ARHGAP26: variants seen among roughly 807,000 people sequenced by gnomAD.
ARHGAP26 encodes the protein Rho GTPase activating protein 26, also known as rho GTPase-activating protein 26.
Under a neutral mutation model 104.8 loss-of-function variants are expected in ARHGAP26, and 38 were observed. That is an observed-to-expected ratio of 0.36 (90% CI 0.28 to 0.48). ARHGAP26 has a LOEUF of 0.48. Among genes scored for constraint, ARHGAP26 ranks in the 20% least tolerant of loss-of-function variants. The pLI, the probability that ARHGAP26 is intolerant of heterozygous loss-of-function variation, is 0.99. For synonymous variants in ARHGAP26, 341 were observed against 340.0 expected (o/e 1.00, Z -0.03); for missense variants, 704 against 947.9 (o/e 0.74, Z 3.38).
chr5:143,116,396 C>G (rs1317543345), intron 17 of ARHGAP26, among the ~76,000 whole-genome samples: 1 of 152,146 alleles, frequency 6.6e-6, no homozygotes, highest in East Asian at 1.9e-4. Flanking sequence ...GCCAGTACTC[C>G]TCTTTGACAT....
At chr5:143,178,469 A>C (rs1599382684) in intron 20 of ARHGAP26, among the ~76,000 whole-genome samples, 1 of 152,196 alleles carries the variant, frequency 6.6e-6, no homozygotes, top group Non-Finnish European at 1.5e-5. Flanking sequence ...AGTTCCTTCC[A>C]CATGGGATTT....
At chr5:142,831,217 A>G (rs1768359152) in intron 1 of ARHGAP26, among the ~76,000 whole-genome samples, 1 of 152,140 alleles carries the variant, frequency 6.6e-6, no homozygotes, top group Admixed American at 6.5e-5. Context: ...CCAGATCCCA[A>G]TACTCTGTGC....
chr5:142,976,860 T>C (rs1773172777), intron 11 of ARHGAP26, among the ~76,000 whole-genome samples: 1 of 152,224 alleles, frequency 6.6e-6, no homozygotes, highest in Admixed American at 6.5e-5. Flanking sequence ...AGGTAGGTTC[T>C]CCTCATCGTG....
intron 17 of ARHGAP26, among the ~76,000 whole-genome samples, chr5:143,113,526 C>T (rs1318150775): frequency 1.3e-5 from 2 of 152,132 alleles, no homozygotes; most frequent in Admixed American, 1.3e-4. Context: ...AAAATTTCTC[C>T]TCCTCTCTCA....
chr5:143,107,725 C>T (rs576284064), intron 17 of ARHGAP26, among the ~76,000 whole-genome samples: 2 of 152,252 alleles, frequency 1.3e-5, no homozygotes, highest in South Asian at 2.1e-4. Flanking sequence ...CTGAATCGTT[C>T]GGTGTCTTTG....
chr5:142,934,765 A>ATTT (rs200889210), intron 11 of ARHGAP26, among the ~76,000 whole-genome samples: 1 of 133,336 alleles, frequency 7.5e-6, no homozygotes, highest in Non-Finnish European at 1.7e-5. Context: ...GTGTTGGTGG[A>ATTT]TTTTTTTTTT....
chr5:143,038,376 A>T (rs245824), intron 13 of ARHGAP26, among the ~76,000 whole-genome samples: 103,366 of 152,158 alleles, frequency 0.68, 42,095 homozygotes, highest in Non-Finnish European at 0.91. Context: ...AACATTTTTT[A>T]AAATGTTCAG....
chr5:142,835,148 AT>A (rs1462571715), intron 1 of ARHGAP26, among the ~76,000 whole-genome samples: 2 of 152,168 alleles, frequency 1.3e-5, no homozygotes, highest in Non-Finnish European at 2.9e-5. Context: ...GTACTAAATC[AT>A]TTTCTTTTTC....
intron 20 of ARHGAP26, among the ~76,000 whole-genome samples, chr5:143,182,984 T>A (rs1410294000): frequency 1.3e-5 from 2 of 151,834 alleles, no homozygotes; most frequent in African/African-American, 4.8e-5. Context: ...TCTGGCTTTG[T>A]TGACTGTCTG....
chr5:142,952,471 G>A (rs1459308641), intron 11 of ARHGAP26, among the ~76,000 whole-genome samples: 2 of 152,126 alleles, frequency 1.3e-5, no homozygotes, highest in Non-Finnish European at 2.9e-5. Flanking sequence ...AACATCCTAT[G>A]TACCGTAGTG....
At chr5:143,171,993 T>A (rs1396958570) in intron 20 of ARHGAP26, among the ~76,000 whole-genome samples, 1 of 152,228 alleles carries the variant, frequency 6.6e-6, no homozygotes, top group Non-Finnish European at 1.5e-5. Context: ...TTCAATAGAT[T>A]TATTAAGTGA....
At chr5:142,951,034 T>C (rs139668383) in intron 11 of ARHGAP26, among the ~76,000 whole-genome samples, 5 of 27,276 alleles carry the variant, frequency 1.8e-4, no homozygotes, top group Middle Eastern at 0.025. Context: ...TCTTTCCCTT[T>C]CCCTTTCCCT....
intron 5 of ARHGAP26, among the ~76,000 whole-genome samples, chr5:142,893,103 A>G (rs1195433564): frequency 1.4e-5 from 2 of 147,646 alleles, no homozygotes; most frequent in South Asian, 2.2e-4. Context: ...TCCTGCCTCA[A>G]CCTCCCGAGT....
chr5:142,988,235 T>A (rs915367978), intron 11 of ARHGAP26, among the ~76,000 whole-genome samples: 3 of 152,162 alleles, frequency 2.0e-5, no homozygotes, highest in South Asian at 4.1e-4. Context: ...GTATGTGTCG[T>A]GGAATTTATC....
At chr5:143,107,443 A>G (rs1794179655) in intron 17 of ARHGAP26, among the ~76,000 whole-genome samples, 1 of 152,104 alleles carries the variant, frequency 6.6e-6, no homozygotes, top group African/African-American at 2.4e-5. Flanking sequence ...TTGAAGTGCC[A>G]CTGTAGCCTA....
chr5:142,985,956 G>A (rs978166629), intron 11 of ARHGAP26, among the ~76,000 whole-genome samples: 3 of 152,084 alleles, frequency 2.0e-5, no homozygotes, highest in Admixed American at 6.5e-5. Context: ...GAATAGTGCC[G>A]CAATAAACAT....
chr5:143,033,053 C>G (rs1350973357), intron 12 of ARHGAP26, among the ~76,000 whole-genome samples: 1 of 152,210 alleles, frequency 6.6e-6, no homozygotes, highest in African/African-American at 2.4e-5. Context: ...AAATAATTAT[C>G]ATCAATATGC....
At chr5:142,780,859 G>A (rs1265887740) in intron 1 of ARHGAP26, among the ~76,000 whole-genome samples, 1 of 152,176 alleles carries the variant, frequency 6.6e-6, no homozygotes, top group African/African-American at 2.4e-5. Context: ...GAATTCCTGG[G>A]AGCTGGTGAG....
At chr5:142,850,509 A>G (rs999007183) in intron 1 of ARHGAP26, among the ~76,000 whole-genome samples, 1 of 152,232 alleles carries the variant, frequency 6.6e-6, no homozygotes, top group Non-Finnish European at 1.5e-5. Flanking sequence ...GTTAAGAGTA[A>G]ATTAGGAGTC....
Sources: allele counts gnomAD v4.1 joint callset (sites outside exome capture counted in the v4.1 genomes callset), GRCh38; gene constraint gnomAD v4.1.1; transcripts MANE v1.5; gene names NCBI Gene and HGNC (gene_info 2026-07-23, HGNC 2026-07-21).